ULK4: variants seen among roughly 807,000 people sequenced by gnomAD.
ULK4 encodes the protein inactive serine/threonine-protein kinase ULK4.
Under a neutral mutation model 160.6 loss-of-function variants are expected in ULK4, and 133 were observed. That is an observed-to-expected ratio of 0.83 (90% CI 0.72 to 0.96). The LOEUF is 0.96. ULK4 is among the 40% of genes least tolerant of loss of function. The pLI, the probability that ULK4 is intolerant of heterozygous loss-of-function variation, is 0.00. For synonymous variants in ULK4, 534 were observed against 539.8 expected, an observed-to-expected ratio of 0.99 and a Z score of 0.15; for missense variants, 1,580 against 1,499.5, an observed-to-expected ratio of 1.05 and a Z score of -0.89.
rs1559518101 is a variant in ULK4 at position 41,310,820 on chromosome 3, C to CT, written c.3679-61247dup. Reference sequence around the variant, plus strand: ...CCAACATGGGCGACGTGGCAAAACTCTGTCTCTAGAAAAAATTTAAAAATT... The same window carrying CT: ...CCAACATGGGCGACGTGGCAAAACTCTTGTCTCTAGAAAAAATTTAAAAATT... On this transcript the variant is annotated intron_variant, in intron 35 of 36. Coordinates refer to ENST00000301831, the MANE Select transcript of ULK4 (RefSeq NM_017886.4). Among the ~76,000 whole-genome samples the CT allele has an allele frequency of 2.0e-5, 3 of 152,100 alleles. No homozygotes were observed. In the East Asian group the frequency reaches 5.8e-4, roughly 29 times the overall value.
intron 32 of ULK4, among the ~76,000 whole-genome samples, chr3:41,547,987 C>T (rs1482041060): frequency 1.3e-5 from 2 of 152,146 alleles, no homozygotes; most frequent in African/African-American, 4.8e-5. Context: ...CTGTACTCAC[C>T]CCTACCCCCA....
intron 33 of ULK4, among the ~76,000 whole-genome samples, chr3:41,457,768 C>T (rs2083589088): frequency 6.6e-6 from 1 of 152,170 alleles, no homozygotes; most frequent in Admixed American, 6.5e-5. Flanking sequence ...TCTGCTCCAT[C>T]CAGGTCCTCT....
At chr3:41,418,313 T>C (rs1180028391) in intron 34 of ULK4, among the ~76,000 whole-genome samples, 4 of 140,062 alleles carry the variant, frequency 2.9e-5, no homozygotes, top group African/African-American at 1.0e-4. Flanking sequence ...ATCTTAAACA[T>C]TCATGACATA....
At chr3:41,772,725 C>G (rs1220438834) in intron 21 of ULK4, among the ~76,000 whole-genome samples, 1 of 152,166 alleles carries the variant, frequency 6.6e-6, no homozygotes, top group Non-Finnish European at 1.5e-5. Flanking sequence ...TTTTATGAGG[C>G]CAGCATCATC....
At chr3:41,937,442 A>G (rs943252106) in intron 3 of ULK4, 1 of 603,002 alleles carries the variant, frequency 1.7e-6, no homozygotes, top group Non-Finnish European at 2.9e-6. Flanking sequence ...GCATAAAGCT[A>G]GTAATAATTA....
At chr3:41,434,053 C>G (rs1009241072) in intron 34 of ULK4, among the ~76,000 whole-genome samples, 3 of 152,144 alleles carry the variant, frequency 2.0e-5, no homozygotes. Flanking sequence ...CAATATGATA[C>G]CACAAATGGA....
chr3:41,277,073 G>A (rs2079240840), intron 35 of ULK4, among the ~76,000 whole-genome samples: 1 of 152,068 alleles, frequency 6.6e-6, no homozygotes, highest in South Asian at 2.1e-4. Flanking sequence ...ACCCTGAAAA[G>A]ACCAATAAAA....
intron 31 of ULK4, among the ~76,000 whole-genome samples, chr3:41,590,373 A>C (rs779475677): frequency 9.3e-4 from 135 of 145,904 alleles, no homozygotes; most frequent in Non-Finnish European, 1.3e-3. Context: ...CCCAGCACTT[A>C]GGGAGGCTGA....
At chr3:41,540,024 G>A (rs1388488446) in intron 32 of ULK4, among the ~76,000 whole-genome samples, 2 of 151,980 alleles carry the variant, frequency 1.3e-5, no homozygotes, top group Non-Finnish European at 2.9e-5. Flanking sequence ...TAGGATTTTT[G>A]TTTAATGGAA....
intron 17 of ULK4, among the ~76,000 whole-genome samples, chr3:41,839,036 T>C (rs148573817): frequency 4.6e-5 from 7 of 152,272 alleles, no homozygotes; most frequent in Admixed American, 2.0e-4. Flanking sequence ...TAATAACACT[T>C]ATTTCACAAT....
intron 18 of ULK4, among the ~76,000 whole-genome samples, chr3:41,822,722 A>ATTTTTT (rs1199516780): frequency 0.028 from 3,062 of 109,338 alleles, 119 homozygotes; most frequent in Non-Finnish European, 0.037. Flanking sequence ...CCGGGCTGAG[A>ATTTTTT]TTTTTTTTTT....
chr3:41,849,804 AT>A (rs1019905916), intron 17 of ULK4, among the ~76,000 whole-genome samples: 1 of 152,002 alleles, frequency 6.6e-6, no homozygotes, highest in African/African-American at 2.4e-5. Context: ...CTAAAACTAC[AT>A]TTTTTTAAAG....
intron 32 of ULK4, among the ~76,000 whole-genome samples, chr3:41,468,318 G>A (rs2083885759): frequency 6.6e-6 from 1 of 152,156 alleles, no homozygotes; most frequent in Non-Finnish European, 1.5e-5. Context: ...GAGAAACAGA[G>A]TCAAAGACTG....
intron 35 of ULK4, among the ~76,000 whole-genome samples, chr3:41,317,230 G>A (rs868196776): frequency 2.0e-5 from 3 of 151,456 alleles, no homozygotes; most frequent in Non-Finnish European, 2.9e-5. Flanking sequence ...CGCCCGCCAC[G>A]GCGCCCGGCT....
chr3:41,753,672 C>T (rs1261995076), intron 22 of ULK4, among the ~76,000 whole-genome samples: 1 of 152,150 alleles, frequency 6.6e-6, no homozygotes, highest in Non-Finnish European at 1.5e-5. Flanking sequence ...CAGAATCTTA[C>T]AATAAGGAAA....
chr3:41,775,059 C>G (rs1575687273), intron 21 of ULK4, among the ~76,000 whole-genome samples: 2 of 124,006 alleles, frequency 1.6e-5, no homozygotes, highest in Admixed American at 1.0e-4. Context: ...ACATCACATA[C>G]CAGGGACGTT....
At chr3:41,811,424 C>T (rs2040817667) in intron 19 of ULK4, among the ~76,000 whole-genome samples, 1 of 152,130 alleles carries the variant, frequency 6.6e-6, no homozygotes, top group African/African-American at 2.4e-5. Context: ...TCTGAAATTG[C>T]TGGGATTACA....
chr3:41,675,611 C>T (rs1478768162), intron 29 of ULK4, among the ~76,000 whole-genome samples: 1 of 151,388 alleles, frequency 6.6e-6, no homozygotes, highest in Non-Finnish European at 1.5e-5. Context: ...AAACAAACAA[C>T]AAAAAAAAGA....
intron 32 of ULK4, among the ~76,000 whole-genome samples, chr3:41,516,531 C>A (rs142435800): frequency 0.023 from 3,496 of 152,136 alleles, 133 homozygotes; most frequent in African/African-American, 0.079. Context: ...TCATTTGCAA[C>A]AACATGGATG....
Sources: allele counts gnomAD v4.1 joint callset (sites outside exome capture counted in the v4.1 genomes callset), GRCh38; gene constraint gnomAD v4.1.1; transcripts MANE v1.5; gene names NCBI Gene and HGNC (gene_info 2026-07-23, HGNC 2026-07-21).